The following CCSER1 variants were observed in gnomAD, a reference collection of about 807,000 sequenced individuals.
The protein encoded by CCSER1 is coiled-coil serine rich protein 1.
CCSER1 carries 41 observed loss-of-function variants against 82.0 expected under a neutral mutation model. That is an observed-to-expected ratio of 0.50 (90% CI 0.39 to 0.65). The LOEUF is 0.65. Ranked by LOEUF, CCSER1 falls within the 30% of genes least tolerant of loss-of-function variation. The pLI, the probability that CCSER1 is intolerant of heterozygous loss-of-function variation, is 0.00. For missense variants in CCSER1, 1,119 were observed against 1,064.2 expected (o/e 1.05, Z -0.72); for synonymous variants, 414 against 383.9 (o/e 1.08, Z -0.92).
At position 90,493,338 on chromosome 4, in the gene CCSER1, C is replaced by T. The variant is rs557563786; in HGVS notation, c.1724+24984C>T. On this transcript the variant is annotated intron_variant, in intron 5 of 10. Transcript: ENST00000509176. ...GAATGGAACCAAGTTGGAAAACTCT[C>T]TGCAGGATATTATACAGGAAAACTT... Among the ~76,000 whole-genome samples, 22 of 152,274 alleles carry T rather than the reference C, an allele frequency of 1.4e-4. No individual in the cohort carries two copies. In the South Asian group the frequency reaches 4.4e-3, roughly 30 times the overall value.
intron 8 of CCSER1, among the ~76,000 whole-genome samples, chr4:90,904,639 G>A (rs1725175929): frequency 6.6e-6 from 1 of 152,048 alleles, no homozygotes; most frequent in Non-Finnish European, 1.5e-5. Context: ...TCCCGGGAAA[G>A]TATGTATGTG....
intron 10 of CCSER1, among the ~76,000 whole-genome samples, chr4:91,418,782 A>G (rs1578408262): frequency 6.6e-6 from 1 of 152,012 alleles, no homozygotes; most frequent in East Asian, 1.9e-4. Flanking sequence ...CCAGAGAAGG[A>G]CATTATAAGA....
At chr4:90,509,075 G>A (rs1412685413) in intron 5 of CCSER1, among the ~76,000 whole-genome samples, 2 of 151,926 alleles carry the variant, frequency 1.3e-5, no homozygotes, top group Non-Finnish European at 2.9e-5. Flanking sequence ...TCAGTCTCAG[G>A]TGGAAATCGC....
chr4:90,623,555 C>T (rs1237466624), intron 5 of CCSER1, among the ~76,000 whole-genome samples: 1 of 152,176 alleles, frequency 6.6e-6, no homozygotes, highest in East Asian at 1.9e-4. Flanking sequence ...TTCTATCTTG[C>T]TTTTCCCCAT....
chr4:91,547,743 ATTT>A (rs959022753), intron 10 of CCSER1, among the ~76,000 whole-genome samples: 22 of 151,702 alleles, frequency 1.5e-4, no homozygotes, highest in African/African-American at 4.8e-4. Context: ...TTGCTTTTAT[ATTT>A]TTTTCCAATA....
intron 3 of CCSER1, among the ~76,000 whole-genome samples, chr4:90,346,592 G>A (rs928183445): frequency 2.0e-5 from 3 of 152,060 alleles, no homozygotes; most frequent in East Asian, 1.9e-4. Context: ...TTTATGAAGA[G>A]CTTTAGAGTA....
intron 5 of CCSER1, among the ~76,000 whole-genome samples, chr4:90,555,148 A>C (rs1424619702): frequency 6.6e-6 from 1 of 152,110 alleles, no homozygotes; most frequent in East Asian, 1.9e-4. Flanking sequence ...ATTTTCCAAA[A>C]AGGGAAATAA....
intron 5 of CCSER1, among the ~76,000 whole-genome samples, chr4:90,523,477 G>A (rs988852119): frequency 2.0e-5 from 3 of 152,082 alleles, no homozygotes; most frequent in Non-Finnish European, 4.4e-5. Context: ...GGCAAATAAA[G>A]GATAATATTT....
At chr4:90,567,031 CAA>C (rs1401333534) in intron 5 of CCSER1, among the ~76,000 whole-genome samples, 31 of 89,906 alleles carry the variant, frequency 3.4e-4, no homozygotes, top group African/African-American at 2.5e-3. Flanking sequence ...AAAACAAAAA[CAA>C]AAACAAAAAA....
chr4:90,397,189 A>G (rs1207233753), intron 3 of CCSER1, among the ~76,000 whole-genome samples: 1 of 152,192 alleles, frequency 6.6e-6, no homozygotes, highest in Non-Finnish European at 1.5e-5. Flanking sequence ...AGATTTAGGA[A>G]GCAATTCATC....
chr4:91,404,128 GGT>G (rs1752527789), intron 10 of CCSER1, among the ~76,000 whole-genome samples: 1 of 151,964 alleles, frequency 6.6e-6, no homozygotes, highest in South Asian at 2.1e-4. Context: ...ATCTTGGGAG[GGT>G]GTATGTGTCC....
At chr4:91,466,756 T>C (rs996360431) in intron 10 of CCSER1, among the ~76,000 whole-genome samples, 1 of 152,132 alleles carries the variant, frequency 6.6e-6, no homozygotes, top group African/African-American at 2.4e-5. Context: ...CATTCACAAT[T>C]GCTTCAAAGA....
intron 8 of CCSER1, among the ~76,000 whole-genome samples, chr4:90,860,005 G>A (rs1764888279): frequency 6.6e-6 from 1 of 151,594 alleles, no homozygotes; most frequent in African/African-American, 2.4e-5. Context: ...ATGAAAATGT[G>A]AGCCTTTGTG....
At chr4:91,300,365 C>T (rs916640988) in intron 10 of CCSER1, among the ~76,000 whole-genome samples, 1 of 151,764 alleles carries the variant, frequency 6.6e-6, no homozygotes, top group Admixed American at 6.6e-5. Flanking sequence ...CTCGAAGGCA[C>T]CATTTCTTAG....
At chr4:91,163,519 G>C (rs1039798519) in intron 10 of CCSER1, among the ~76,000 whole-genome samples, 4 of 152,116 alleles carry the variant, frequency 2.6e-5, no homozygotes, top group Non-Finnish European at 4.4e-5. Context: ...CTGCCTAATA[G>C]TGACAGTGGG....
intron 8 of CCSER1, among the ~76,000 whole-genome samples, chr4:90,817,671 A>T (rs1759197209): frequency 2.0e-5 from 3 of 152,156 alleles, no homozygotes; most frequent in South Asian, 2.1e-4. Flanking sequence ...TTTATTAATT[A>T]AAAAGGACTG....
chr4:91,081,089 G>A (rs1722665786), intron 9 of CCSER1, among the ~76,000 whole-genome samples: 1 of 152,122 alleles, frequency 6.6e-6, no homozygotes, highest in African/African-American at 2.4e-5. Flanking sequence ...ACCAAAGCCT[G>A]GCAGAGACAC....
chr4:91,164,287 G>T (rs1458255299), intron 10 of CCSER1, among the ~76,000 whole-genome samples: 1 of 152,196 alleles, frequency 6.6e-6, no homozygotes, highest in Non-Finnish European at 1.5e-5. Context: ...CAGGGTTTCT[G>T]CTGAGGGATC....
intron 9 of CCSER1, among the ~76,000 whole-genome samples, chr4:91,017,811 TTGTGTG>T (rs34719158): frequency 0.022 from 3,230 of 143,976 alleles, 37 homozygotes; most frequent in Middle Eastern, 0.04. Flanking sequence ...GGTTTTTAAA[TTGTGTG>T]TGTGTGTGTG....
Sources: allele counts gnomAD v4.1 joint callset (sites outside exome capture counted in the v4.1 genomes callset), GRCh38; gene constraint gnomAD v4.1.1; transcripts MANE v1.5; gene names NCBI Gene and HGNC (gene_info 2026-07-23, HGNC 2026-07-21).